FRMD4B: variants seen among roughly 807,000 people sequenced by gnomAD.
FRMD4B encodes the protein FERM domain-containing protein 4B.
In FRMD4B, 74 loss-of-function variants were observed where a neutral mutation model predicts 141.5. The ratio of observed to expected loss-of-function variants is 0.52; its 90% confidence interval spans 0.43 to 0.63. The LOEUF (loss-of-function observed/expected upper bound fraction) is 0.63, where lower values mean the gene tolerates loss of function less well. Among genes scored for constraint, FRMD4B ranks in the 30% least tolerant of loss-of-function variants. FRMD4B has a pLI of 0.00. For missense variants in FRMD4B, 1,366 were observed against 1,253.4 expected, an observed-to-expected ratio of 1.09 and a Z score of -1.36; for synonymous variants, 506 against 467.9, an observed-to-expected ratio of 1.08 and a Z score of -1.05.
chr3:69,519,997 CATATAT>C (rs71618288), intron 1 of FRMD4B, among the ~76,000 whole-genome samples: 24,487 of 88,228 alleles, frequency 0.28, 3,522 homozygotes, highest in East Asian at 0.38. Context: ...AGTAGTATTC[CATATAT>C]ATATATATAT....
In FRMD4B at chr3:69,182,733, G is replaced by C. The variant is rs750674906; in HGVS notation, c.1920-16C>G. On this transcript the variant is annotated splice_polypyrimidine_tract_variant and intron_variant, in intron 19 of 22. Coordinates refer to ENST00000398540, the MANE Select transcript of FRMD4B (RefSeq NM_015123.3). Reference sequence around the variant, plus strand: ...CAGCATTTCTCTGTGATGATAAAAAGAAGAATTCAGGAAATGATGAGTCTC... The same window carrying C: ...CAGCATTTCTCTGTGATGATAAAAACAAGAATTCAGGAAATGATGAGTCTC... The C allele has an allele frequency of 1.9e-6, 3 of 1,609,542 alleles. No homozygotes were observed. The African/African-American group carries it at 4.0e-5, about 22-fold the overall frequency.
intron 2 of FRMD4B, among the ~76,000 whole-genome samples, chr3:69,312,523 C>G (rs867557924): frequency 6.6e-6 from 1 of 152,166 alleles, no homozygotes; most frequent in African/African-American, 2.4e-5. Context: ...AGGTGTGGCC[C>G]GTCCGCAGGG....
intron 1 of FRMD4B, among the ~76,000 whole-genome samples, chr3:69,518,078 A>G (rs1364478746): frequency 6.6e-6 from 1 of 152,114 alleles, no homozygotes; most frequent in Non-Finnish European, 1.5e-5. Flanking sequence ...TCCTTTTTTA[A>G]GCGAACTTAG....
chr3:69,514,551 G>A (rs1175045220), intron 1 of FRMD4B, among the ~76,000 whole-genome samples: 1 of 152,032 alleles, frequency 6.6e-6, no homozygotes, highest in Non-Finnish European at 1.5e-5. Flanking sequence ...AGCCAGACGT[G>A]GTGGTGGGCA....
At chr3:69,430,885 C>G (rs1445368813) in intron 2 of FRMD4B, among the ~76,000 whole-genome samples, 1 of 152,162 alleles carries the variant, frequency 6.6e-6, no homozygotes, top group Non-Finnish European at 1.5e-5. Context: ...AAAATAGGCT[C>G]TCATATCCAT....
chr3:69,205,235 C>T (rs982927760), intron 11 of FRMD4B, among the ~76,000 whole-genome samples: 10 of 151,198 alleles, frequency 6.6e-5, no homozygotes, highest in South Asian at 2.1e-4. Flanking sequence ...GGCATGATCA[C>T]GGCTCACTGC....
At chr3:69,293,595 AG>A (rs1192318409) in intron 4 of FRMD4B, among the ~76,000 whole-genome samples, 36 of 152,014 alleles carry the variant, frequency 2.4e-4, no homozygotes, top group Admixed American at 1.3e-3. Context: ...AAAAATTCCA[AG>A]TATCTGGCCA....
At chr3:69,321,586 C>A (rs942451116) in intron 1 of FRMD4B, among the ~76,000 whole-genome samples, 1 of 152,176 alleles carries the variant, frequency 6.6e-6, no homozygotes, top group Non-Finnish European at 1.5e-5. Flanking sequence ...CTTTGTTCAC[C>A]ACTGTCTCCG....
At chr3:69,292,562 G>T (rs1248787434) in intron 4 of FRMD4B, among the ~76,000 whole-genome samples, 1 of 152,100 alleles carries the variant, frequency 6.6e-6, no homozygotes, top group Non-Finnish European at 1.5e-5. Context: ...CTACTTTCTG[G>T]CGACCAGCCC....
At chr3:69,376,220 T>A (rs976740216) in intron 1 of FRMD4B, among the ~76,000 whole-genome samples, 2 of 152,154 alleles carry the variant, frequency 1.3e-5, no homozygotes, top group Non-Finnish European at 2.9e-5. Flanking sequence ...AGGTTTCAAC[T>A]GATTCAATAT....
chr3:69,518,929 C>T lies in FRMD4B; in HGVS notation c.-129+23277G>A, dbSNP rs137992237. Among the ~76,000 whole-genome samples the T allele has an allele frequency of 4.1e-3, 626 of 152,268 alleles. 11 individuals carry two copies. The East Asian group carries it at 0.054, about 13-fold the overall frequency. On this transcript the variant is annotated intron_variant, in intron 1 of 5. Coordinates refer to the FRMD4B transcript ENST00000459638. ...TTCTGGGGGCAGTGGTTCTCAAATA[C>T]AAACGTGCAGAAGCAACATCCAGGC...
chr3:69,372,090 G>T (rs1253797652), intron 1 of FRMD4B, among the ~76,000 whole-genome samples: 1 of 152,064 alleles, frequency 6.6e-6, no homozygotes, highest in African/African-American at 2.4e-5. Flanking sequence ...ACATCCTAAG[G>T]TCTTTCCTGC....
At chr3:69,196,130 T>C (rs1273408582) in intron 14 of FRMD4B, 125 bp downstream of exon 14, 2 of 739,372 alleles carry the variant, frequency 2.7e-6, no homozygotes, top group Non-Finnish European at 4.4e-6. Flanking sequence ...GTCGCATACA[T>C]ACTTATTGAC....
At chr3:69,490,966 A>AT (rs1706293421) in intron 1 of FRMD4B, among the ~76,000 whole-genome samples, 1 of 152,128 alleles carries the variant, frequency 6.6e-6, no homozygotes, top group African/African-American at 2.4e-5. Context: ...CTTAACAACA[A>AT]TTTTTTGATG....
chr3:69,294,430 T>G (rs1325223585), intron 4 of FRMD4B, among the ~76,000 whole-genome samples: 1 of 152,224 alleles, frequency 6.6e-6, no homozygotes, highest in Non-Finnish European at 1.5e-5. Flanking sequence ...ATGCAGTGCT[T>G]ATGGGAGTCC....
Position 69,492,612 on chromosome 3 carries a change from C to T in FRMD4B, c.-129+49594G>A, listed in dbSNP as rs149159526. Among the ~76,000 whole-genome samples the T allele has an allele frequency of 3.3e-4, 50 of 152,178 alleles. No homozygotes were observed. The East Asian group carries it at 7.2e-3, about 22-fold the overall frequency. On this transcript the variant is annotated intron_variant, in intron 1 of 5. Transcript: ENST00000459638. ...CATAAATTCATAGCCTGCCCTTCTGCGACCCTGGAAGAAACCATTTTGTCA... is the reference window on the plus strand; with the variant it reads ...CATAAATTCATAGCCTGCCCTTCTGTGACCCTGGAAGAAACCATTTTGTCA...
At chr3:69,382,424 C>A (rs1704139222) in intron 1 of FRMD4B, among the ~76,000 whole-genome samples, 1 of 152,260 alleles carries the variant, frequency 6.6e-6, no homozygotes, top group African/African-American at 2.4e-5. Context: ...ATCTGCTCAC[C>A]TTGGCCTCCC....
At chr3:69,494,314 G>A (rs1331931362) in intron 1 of FRMD4B, among the ~76,000 whole-genome samples, 1 of 152,196 alleles carries the variant, frequency 6.6e-6, no homozygotes, top group South Asian at 2.1e-4. Flanking sequence ...AGATGATTGG[G>A]CACGAGATCC....
At chr3:69,205,728 C>T (rs2093018284) in intron 11 of FRMD4B, among the ~76,000 whole-genome samples, 1 of 152,218 alleles carries the variant, frequency 6.6e-6, no homozygotes, top group Non-Finnish European at 1.5e-5. Flanking sequence ...CAACAGAGAA[C>T]TATATGGCCC....
Sources: gnomAD v4.1 joint callset for allele counts (sites outside exome capture counted in the v4.1 genomes callset) on GRCh38, gnomAD v4.1.1 for gene constraint, MANE v1.5 for transcripts, NCBI Gene and HGNC (gene_info 2026-07-23, HGNC 2026-07-21) for gene names.